NFASC: variants seen among roughly 807,000 people sequenced by gnomAD.
The protein encoded by NFASC is neurofascin, also known as neurofascin homolog.
NFASC carries 43 observed loss-of-function variants against 147.5 expected under a neutral mutation model. The observed-to-expected ratio is 0.29, with a 90% CI of 0.23 to 0.38. The LOEUF is 0.38. Ranked by LOEUF, NFASC falls within the 10% of genes least tolerant of loss-of-function variation. The pLI, the probability that NFASC is intolerant of heterozygous loss-of-function variation, is 1.00. For missense variants in NFASC, 1,320 were observed against 1,689.0 expected, an observed-to-expected ratio of 0.78 and a Z score of 3.83; for synonymous variants, 622 against 665.5, an observed-to-expected ratio of 0.93 and a Z score of 1.01.
At chr1:204,889,204 A>G (rs1402314305) in intron 1 of NFASC, among the ~76,000 whole-genome samples, 1 of 152,224 alleles carries the variant, frequency 6.6e-6, no homozygotes, top group Non-Finnish European at 1.5e-5. Context: ...ATTTAAGGAA[A>G]CTTAAAATGA....
chr1:204,847,120 A>G (rs1385838620), intron 1 of NFASC, among the ~76,000 whole-genome samples: 1 of 152,270 alleles, frequency 6.6e-6, no homozygotes, highest in South Asian at 2.1e-4. Flanking sequence ...CTTAACCACC[A>G]GTGGGAGGAC....
At chr1:204,915,364 CA>C (rs1467326287) in intron 1 of NFASC, among the ~76,000 whole-genome samples, 1 of 152,032 alleles carries the variant, frequency 6.6e-6, no homozygotes, top group African/African-American at 2.4e-5. Context: ...TTGTTAATGG[CA>C]AAAAGCAAGG....
chr1:204,996,559 A>G (rs2150770178), intron 24 of NFASC, among the ~76,000 whole-genome samples: 1 of 152,304 alleles, frequency 6.6e-6, no homozygotes, highest in East Asian at 1.9e-4. Context: ...CCAAGACCGG[A>G]GGAGGGCGAG....
chr1:204,987,256 C>A lies in NFASC; in HGVS notation c.2471-162C>A. The stretch of plus-strand genomic sequence containing the variant: ...ATAGCATCCTGGATGGGGCAATGGG[C>A]TCCGGTCGTCTCACGGTTCTCCCAG... On this transcript the variant is annotated intron_variant, in intron 21 of 29. Transcript: ENST00000339876. The surrounding 1 kb of genome is among the most constrained non-coding windows in gnomAD (Gnocchi z 4.4). The A allele has an allele frequency of 1.5e-6, 1 of 652,530 alleles. No individual in the cohort carries two copies. Among genetic ancestry groups the A allele is most frequent in the Non-Finnish European group, 2.7e-6 (1 of 376,802 alleles). 40.4% of individuals were successfully genotyped at this position (652,530 alleles called of 1,614,324 possible).
chr1:204,861,784 C>T (rs370672295), intron 1 of NFASC, among the ~76,000 whole-genome samples: 4 of 152,200 alleles, frequency 2.6e-5, no homozygotes, highest in Admixed American at 6.5e-5. Context: ...CCACCGCACC[C>T]GGCCTCTTCT....
chr1:204,968,863 A>T lies in NFASC; in HGVS notation c.884A>T (p.Glu295Val). 2 of 1,614,082 alleles carry T rather than the reference A, an allele frequency of 1.2e-6. No homozygotes were observed. The change falls in exon 10 of 30, where the codon GAG becomes GTG. Residue 295 changes from glutamate (E) to valine (V), a missense_variant. Coordinates refer to ENST00000339876, the MANE Select transcript of NFASC (RefSeq NM_001005388.3). The surrounding 1 kb of genome is among the most constrained non-coding windows in gnomAD (Gnocchi z 5.4). ...GDLPSDKAKF[E>V]NFNKALRITN... Reference sequence around the variant, plus strand: ...CTCCCATCTGATAAGGCCAAGTTTGAGAACTTTAATAAGGCCCTGCGTATC... The same window carrying T: ...CTCCCATCTGATAAGGCCAAGTTTGTGAACTTTAATAAGGCCCTGCGTATC...
intron 23 of NFASC, chr1:204,989,552 C>T (rs55729511): frequency 0.087 from 13,266 of 152,214 alleles, 804 homozygotes; most frequent in African/African-American, 0.17. Flanking sequence ...TGGGACCTCT[C>T]GAGGAGGCAA....
At position 204,885,278 on chromosome 1, in the gene NFASC, A is replaced by C. The variant is rs528019230; in HGVS notation, c.-199-35354A>C. Among the ~76,000 whole-genome samples, 20 of 152,278 alleles carry C rather than the reference A, an allele frequency of 1.3e-4. 1 individual carries two copies. The South Asian group carries it at 3.1e-3, about 24-fold the overall frequency. On this transcript the variant is annotated intron_variant, in intron 1 of 29. Transcript: ENST00000339876. ...CCCCTAAAGTGAACATTTTAGAATAACACAGTGTGGAACAAGGAGGAAATT... is the reference window on the plus strand; with the variant it reads ...CCCCTAAAGTGAACATTTTAGAATACCACAGTGTGGAACAAGGAGGAAATT...
At chr1:204,847,855 G>A (rs970418524) in intron 1 of NFASC, among the ~76,000 whole-genome samples, 6 of 152,168 alleles carry the variant, frequency 3.9e-5, no homozygotes, top group African/African-American at 7.2e-5. Flanking sequence ...CAGTTCCTCT[G>A]TTTGTCCCAT....
chr1:204,903,959 A>C (rs957850687), intron 1 of NFASC, among the ~76,000 whole-genome samples: 1 of 152,252 alleles, frequency 6.6e-6, no homozygotes, highest in Admixed American at 6.5e-5. Context: ...AGGTTTCAGC[A>C]TGGCATAAAA....
In NFASC at chr1:205,016,922, C is replaced by A; in HGVS notation, c.*383C>A. The A allele has an allele frequency of 3.0e-6, 1 of 332,786 alleles. No individual in the cohort carries two copies. The highest frequency in any genetic ancestry group is 5.9e-6 in the Non-Finnish European group (1 of 168,508). 20.6% of individuals were successfully genotyped at this position (332,786 alleles called of 1,614,324 possible). The stretch of plus-strand genomic sequence containing the variant: ...GTCTTAATTTCGCTTTGTGCATCTT[C>A]CCCTCCAGACCCAATGTCTCTGTTT... On this transcript the variant is annotated 3_prime_UTR_variant, in exon 30 of 30. Transcript: ENST00000339876. The surrounding 1 kb of genome is among the most constrained non-coding windows in gnomAD (Gnocchi z 5.1).
chr1:204,959,061 G>GT (rs35620571), intron 8 of NFASC, among the ~76,000 whole-genome samples: 73,545 of 146,496 alleles, frequency 0.5, 19,161 homozygotes, highest in Non-Finnish European at 0.58. Flanking sequence ...CCCTTCTCAT[G>GT]TTTTTTTTTT....
intron 8 of NFASC, chr1:204,962,261 GC>G: frequency 2.0e-6 from 2 of 1,023,562 alleles, no homozygotes; most frequent in Non-Finnish European, 3.0e-6. Flanking sequence ...GTGGCAGCTG[GC>G]CCAGCCAGGG....
Position 204,957,695 on chromosome 1 carries a change from G to A in NFASC, c.575G>A (p.Gly192Asp). 1 of 1,614,134 alleles carries A rather than the reference G, an allele frequency of 6.2e-7. No individual in the cohort carries two copies. Among genetic ancestry groups the A allele is most frequent in the Non-Finnish European group, 8.5e-7 (1 of 1,180,016 alleles). Reference sequence around the variant, plus strand: ...ACCCAAGACAAACGTGTCTCTCAGGGCCATAACGGAGACCTATACTTCTCC... The same window carrying A: ...ACCCAAGACAAACGTGTCTCTCAGGACCATAACGGAGACCTATACTTCTCC... The part of the protein sequence containing the change: ...PITQDKRVSQ[G>D]HNGDLYFSNV... The change falls in exon 8 of 30, where the codon GGC becomes GAC. Residue 192 changes from glycine to aspartate, a missense_variant. Coordinates refer to ENST00000339876, the MANE Select transcript of NFASC (RefSeq NM_001005388.3).
chr1:204,951,456 G>T (rs2094122099), intron 4 of NFASC, among the ~76,000 whole-genome samples: 1 of 149,326 alleles, frequency 6.7e-6, no homozygotes, highest in Non-Finnish European at 1.5e-5. Context: ...GAGCCACCAT[G>T]CCTGGCCTAT....
chr1:204,926,181 A>G (rs962576063), intron 2 of NFASC, among the ~76,000 whole-genome samples: 3 of 151,524 alleles, frequency 2.0e-5, no homozygotes, highest in African/African-American at 7.3e-5. Flanking sequence ...TTTTACCTCA[A>G]TCAACAAATT....
intron 5 of NFASC, among the ~76,000 whole-genome samples, chr1:204,953,630 A>G (rs998228589): frequency 2.6e-5 from 4 of 152,172 alleles, no homozygotes; most frequent in African/African-American, 9.7e-5. Flanking sequence ...GGGTGTGGTC[A>G]CTGCTATATA....
intron 1 of NFASC, among the ~76,000 whole-genome samples, chr1:204,858,735 T>C (rs933879820): frequency 1.3e-5 from 2 of 152,036 alleles, no homozygotes; most frequent in African/African-American, 4.8e-5. Context: ...TTTTGCGGAG[T>C]GGAGACTGCC....
At chr1:204,949,018 C>T (rs904295554) in intron 3 of NFASC, among the ~76,000 whole-genome samples, 1 of 152,220 alleles carries the variant, frequency 6.6e-6, no homozygotes. Flanking sequence ...CTCCGGGGAG[C>T]ATGTGTTCAG....
Sources: allele counts gnomAD v4.1 joint callset (sites outside exome capture counted in the v4.1 genomes callset), GRCh38; gene constraint gnomAD v4.1.1; non-coding constraint Gnocchi (gnomAD v3.1); transcripts MANE v1.5; gene names NCBI Gene and HGNC (gene_info 2026-07-23, HGNC 2026-07-21).